Variants in LARGE1 observed in about 807,000 individuals in gnomAD.
The protein encoded by LARGE1 is xylosyl- and glucuronyltransferase LARGE1.
A neutral mutation model predicts 87.6 loss-of-function variants in LARGE1; 43 were observed. That is an observed-to-expected ratio of 0.49 (90% CI 0.38 to 0.63). The LOEUF (loss-of-function observed/expected upper bound fraction) is 0.63. Among genes scored for constraint, LARGE1 ranks in the 30% least tolerant of loss-of-function variants. The probability of loss-of-function intolerance (pLI) is 0.00; values close to 1 mark genes in which losing one functional copy is unlikely to be tolerated. For synonymous variants in LARGE1, 434 were observed against 394.6 expected (o/e 1.10, Z -1.18); for missense variants, 802 against 1,000.2 (o/e 0.80, Z 2.67).
chr22:33,147,524 T>C, the LARGE1 span, among the ~76,000 whole-genome samples: 1 of 152,230 alleles, frequency 6.6e-6, no homozygotes, highest in Admixed American at 6.5e-5. Context: ...AACATTGTAT[T>C]TGAAATAATT....
intron 2 of LARGE1, among the ~76,000 whole-genome samples, chr22:33,758,500 C>A (rs955017053): frequency 6.6e-6 from 1 of 152,186 alleles, no homozygotes; most frequent in Non-Finnish European, 1.5e-5. Context: ...AAATGCAGCT[C>A]GTGATTTGGT....
rs1367891216 is a variant in LARGE1 at position 33,645,812 on chromosome 22, C to T, written c.408+4555G>A. 3.9e-5 allele frequency among the ~76,000 whole-genome samples: 6 copies of T among 152,262 alleles called. No individual in the cohort carries two copies. In the South Asian group the frequency reaches 6.2e-4, roughly 16 times the overall value. The stretch of plus-strand genomic sequence containing the variant: ...AAGAGACACTTCTCAAAAGAAGACA[C>T]TTATACGGCCAACAAACATATGAAG... On this transcript the variant is annotated intron_variant, in intron 3 of 14. Coordinates refer to ENST00000397394, the MANE Select transcript of LARGE1 (RefSeq NM_133642.5).
intron 2 of LARGE1, among the ~76,000 whole-genome samples, chr22:33,682,406 C>T (rs909516379): frequency 2.0e-5 from 3 of 152,184 alleles, no homozygotes; most frequent in African/African-American, 7.2e-5. Flanking sequence ...CACTTCTTCT[C>T]CTGCACCAGG....
the LARGE1 span, among the ~76,000 whole-genome samples, chr22:33,098,582 C>T: frequency 3.3e-5 from 5 of 152,176 alleles, no homozygotes; most frequent in Admixed American, 3.3e-4. Context: ...GATCGTGCCA[C>T]TGCACTCCAG....
intron 1 of LARGE1, among the ~76,000 whole-genome samples, chr22:33,804,680 T>C (rs988514160): frequency 7.9e-5 from 12 of 152,212 alleles, no homozygotes; most frequent in Non-Finnish European, 1.6e-4. Flanking sequence ...CTAAAGTGCC[T>C]GGCTTAAACA....
chr22:33,549,826 G>A (rs1368770158), intron 6 of LARGE1, among the ~76,000 whole-genome samples: 1 of 152,210 alleles, frequency 6.6e-6, no homozygotes, highest in African/African-American at 2.4e-5. Context: ...CTATGAGTGA[G>A]AACATGCAGT....
At chr22:33,127,613 T>A in the LARGE1 span, among the ~76,000 whole-genome samples, 1 of 152,218 alleles carries the variant, frequency 6.6e-6, no homozygotes, top group African/African-American at 2.4e-5. Context: ...ATCATTCCTG[T>A]CCCTAAACAA....
At chr22:33,190,824 A>G (rs1923736121) in intron 11 of LARGE1, among the ~76,000 whole-genome samples, 1 of 152,216 alleles carries the variant, frequency 6.6e-6, no homozygotes, top group Non-Finnish European at 1.5e-5. Context: ...TTTATACTCA[A>G]TGCATTTCTC....
chr22:33,904,067 C>G (rs1280376170), intron 1 of LARGE1, among the ~76,000 whole-genome samples: 2 of 152,086 alleles, frequency 1.3e-5, no homozygotes, highest in East Asian at 3.9e-4. Flanking sequence ...TTCTGTCTAC[C>G]CAGCTTCTCT....
chr22:33,807,982 G>T (rs1406380298), intron 1 of LARGE1, among the ~76,000 whole-genome samples: 2 of 152,196 alleles, frequency 1.3e-5, no homozygotes, highest in Non-Finnish European at 2.9e-5. Context: ...GAAGGTTTCT[G>T]TGTGGACGTA....
chr22:33,556,203 A>T (rs2077670768), intron 6 of LARGE1, among the ~76,000 whole-genome samples: 1 of 151,842 alleles, frequency 6.6e-6, no homozygotes, highest in African/African-American at 2.4e-5. Context: ...ATGTGTTCAG[A>T]TGTATCTAGA....
At chr22:33,460,004 C>T (rs951680368) in intron 6 of LARGE1, among the ~76,000 whole-genome samples, 2 of 152,254 alleles carry the variant, frequency 1.3e-5, no homozygotes, top group Admixed American at 6.5e-5. Flanking sequence ...CTAAGTCCCA[C>T]GACCTTGCTA....
intron 1 of LARGE1, among the ~76,000 whole-genome samples, chr22:33,778,492 G>A (rs1455084844): frequency 6.6e-6 from 1 of 151,902 alleles, no homozygotes; most frequent in African/African-American, 2.4e-5. Context: ...CTTACTCCTC[G>A]TCCCTGGCAA....
intron 6 of LARGE1, among the ~76,000 whole-genome samples, chr22:33,504,661 A>G (rs1402497717): frequency 6.6e-6 from 1 of 152,222 alleles, no homozygotes; most frequent in Non-Finnish European, 1.5e-5. Flanking sequence ...GAAATAGATC[A>G]GATGAATTTC....
downstream of LARGE1, among the ~76,000 whole-genome samples, chr22:33,269,413 G>C (rs945789453): frequency 6.6e-6 from 1 of 152,138 alleles, no homozygotes; most frequent in Admixed American, 6.5e-5. Flanking sequence ...ACTGTACCTG[G>C]TTCACTGTTG....
intron 3 of LARGE1, among the ~76,000 whole-genome samples, chr22:33,631,798 T>G (rs1028693296): frequency 6.6e-6 from 1 of 152,230 alleles, no homozygotes; most frequent in African/African-American, 2.4e-5. Context: ...AATTGCGCTA[T>G]AGTTTTATAC....
chr22:33,132,821 A>C, the LARGE1 span, among the ~76,000 whole-genome samples: 1 of 152,108 alleles, frequency 6.6e-6, no homozygotes, highest in African/African-American at 2.4e-5. Context: ...GGGAAAACGA[A>C]ATTCTTCATC....
intron 10 of LARGE1, among the ~76,000 whole-genome samples, chr22:33,323,712 T>A (rs553002006): frequency 1.3e-5 from 2 of 152,244 alleles, no homozygotes; most frequent in African/African-American, 4.8e-5. Flanking sequence ...GATTCACAGA[T>A]GAATTTTATT....
At chr22:33,889,343 G>A (rs182824462) in intron 1 of LARGE1, 2 of 152,306 alleles carry the variant, frequency 1.3e-5, no homozygotes, top group East Asian at 1.9e-4. Flanking sequence ...TCTGCACACC[G>A]GCAGCATTTC....
Sources: gnomAD v4.1 joint callset for allele counts (sites outside exome capture counted in the v4.1 genomes callset) on GRCh38, gnomAD v4.1.1 for gene constraint, MANE v1.5 for transcripts, NCBI Gene and HGNC (gene_info 2026-07-23, HGNC 2026-07-21) for gene names.